CYLD: variants seen among roughly 807,000 people sequenced by gnomAD.
CYLD encodes CYLD lysine 63 deubiquitinase, also known as ubiquitin carboxyl-terminal hydrolase CYLD.
Under a neutral mutation model 104.5 loss-of-function variants are expected in CYLD, and 26 were observed. The observed-to-expected ratio is 0.25, with a 90% CI of 0.18 to 0.35. CYLD has a LOEUF of 0.35. Among genes scored for constraint, CYLD ranks in the 10% least tolerant of loss-of-function variants. CYLD has a pLI of 1.00. For synonymous variants in CYLD, 385 were observed against 399.9 expected (o/e 0.96, Z 0.45); for missense variants, 703 against 1,136.1 (o/e 0.62, Z 5.48).
chr16:50,755,381 T>C (rs1337239760), intron 5 of CYLD, among the ~76,000 whole-genome samples: 1 of 152,126 alleles, frequency 6.6e-6, no homozygotes, highest in Non-Finnish European at 1.5e-5. Flanking sequence ...CTTTTTTTCC[T>C]TGGGTAGACT....
chr16:50,768,637 A>G (rs760029937), intron 5 of CYLD, among the ~76,000 whole-genome samples: 6 of 152,210 alleles, frequency 3.9e-5, no homozygotes, highest in Non-Finnish European at 5.9e-5. Flanking sequence ...AACACTGCTA[A>G]CATATCTAAT....
chr16:50,761,561 C>T (rs899489440), intron 5 of CYLD, among the ~76,000 whole-genome samples: 1 of 152,146 alleles, frequency 6.6e-6, no homozygotes, highest in Non-Finnish European at 1.5e-5. Flanking sequence ...TCCTTTGGAG[C>T]TGGTGCATTT....
chr16:50,748,316 GT>G (rs1467992955), intron 2 of CYLD, among the ~76,000 whole-genome samples: 2 of 152,238 alleles, frequency 1.3e-5, no homozygotes, highest in South Asian at 2.1e-4. Context: ...AAATTGTGTA[GT>G]TTTTTAACCA....
chr16:50,797,800 C>A lies in CYLD; in HGVS notation c.*1292C>A, dbSNP rs1387786423. 4 of 232,558 alleles carry A rather than the reference C, an allele frequency of 1.7e-5. No homozygotes were observed. Among genetic ancestry groups the A allele is most frequent in the Non-Finnish European group, 3.4e-5 (4 of 117,726 alleles). The allele number at this position is 232,558 out of a possible 1,614,324, so 14.4% of individuals were successfully genotyped here. A position where few individuals can be genotyped will look rare whatever the true frequency, so the allele number is the denominator to read the frequency against. The stretch of plus-strand genomic sequence containing the variant: ...TAATGTGACAAAAAGTGGAAAGAAT[C>A]TTTACAAACCCTGCAATTACTTTTT... On this transcript the variant is annotated 3_prime_UTR_variant, in exon 19 of 19. Transcript: ENST00000427738.
intron 17 of CYLD, among the ~76,000 whole-genome samples, chr16:50,793,873 T>C (rs1430376259): frequency 6.6e-6 from 1 of 151,766 alleles, no homozygotes; most frequent in Non-Finnish European, 1.5e-5. Context: ...TTAGTAAGAG[T>C]AAGGAAGCCC....
At chr16:50,773,641 G>A (rs1424399666) in intron 5 of CYLD, among the ~76,000 whole-genome samples, 1 of 152,088 alleles carries the variant, frequency 6.6e-6, no homozygotes, top group Non-Finnish European at 1.5e-5. Flanking sequence ...AAAATTGCCA[G>A]CTGAATTTAT....
chr16:50,801,305 A>G lies in CYLD; in HGVS notation c.*4797A>G. 4.3e-6 allele frequency: 1 copy of G among 233,480 alleles called. No individual in the cohort carries two copies. Among genetic ancestry groups the G allele is most frequent in the Non-Finnish European group, 8.5e-6 (1 of 118,062 alleles). The allele number at this position is 233,480 out of a possible 1,614,324, so 14.5% of individuals were successfully genotyped here. ...AGCAGTCTCTGTAGCCAGGTTACTC[A>G]AGAACCACATTTGATTTCCTGGCCC... On this transcript the variant is annotated 3_prime_UTR_variant, in exon 19 of 19. Transcript: ENST00000427738.
chr16:50,789,608 T>A (rs1236460326), intron 14 of CYLD, among the ~76,000 whole-genome samples: 1 of 152,122 alleles, frequency 6.6e-6, no homozygotes, highest in Non-Finnish European at 1.5e-5. Context: ...ATATTGAGAA[T>A]CACTTTTTAA....
rs776967114 is a variant in CYLD at position 50,779,796 on chromosome 16, A to G, written c.1270A>G (p.Thr424Ala). 6.2e-7 allele frequency: 1 copy of G among 1,613,338 alleles called. No homozygotes were observed. The highest frequency in any genetic ancestry group is 2.2e-5 in the East Asian group (1 of 44,842). The change falls in exon 9 of 19, where the codon ACC becomes GCC. Residue 424 changes from threonine (T) to alanine (A), a missense_variant. By Grantham distance (58) the Thr-to-Ala change is moderately conservative (BLOSUM62 0). Transcript: ENST00000427738. Reference protein sequence around the residue: ...NRFHSLPFSLTKMPNTNGSIG... With the variant: ...NRFHSLPFSLAKMPNTNGSIG... ...ATTCCACTCTTTACCATTCAGTCTC[A>G]CCAAGATGCCCAATACCAATGGAAG... is the stretch of plus-strand genomic sequence containing the variant.
intron 18 of CYLD, 21 bp from the exon 19 acceptor site, chr16:50,796,303 A>C (rs1466256735): frequency 1.2e-6 from 2 of 1,613,262 alleles, no homozygotes; most frequent in Non-Finnish European, 1.7e-6. Flanking sequence ...CCCTATAAAG[A>C]GTTCTTCCTC....
At position 50,798,224 on chromosome 16, in the gene CYLD, A is replaced by T. The variant is rs1440954788; in HGVS notation, c.*1716A>T. 1 of 232,096 alleles carries T rather than the reference A, an allele frequency of 4.3e-6. No homozygotes were observed. Among genetic ancestry groups the T allele is most frequent in the Non-Finnish European group, 8.5e-6 (1 of 117,328 alleles). The allele number at this position is 232,096 out of a possible 1,614,324, so 14.4% of individuals were successfully genotyped here. ...TTTAAAAAATTGACTACCTGGAGGA[A>T]TGATTAGGAATCTAAATGAAGCCAG... On this transcript the variant is annotated 3_prime_UTR_variant, in exon 19 of 19. Coordinates refer to ENST00000427738, the MANE Select transcript of CYLD (RefSeq NM_001378743.1).
chr16:50,778,885 A>G (rs953490214), intron 8 of CYLD, among the ~76,000 whole-genome samples: 10 of 152,226 alleles, frequency 6.6e-5, no homozygotes, highest in African/African-American at 2.4e-4. Context: ...TTATCTCAAC[A>G]GCATTTAGTA....
rs1271818031 is a variant in CYLD at position 50,798,899 on chromosome 16, T to G, written c.*2391T>G. On this transcript the variant is annotated 3_prime_UTR_variant, in exon 19 of 19. Coordinates refer to ENST00000427738, the MANE Select transcript of CYLD (RefSeq NM_001378743.1). ...TAAGGGATGCCAGGGCCAGCTCTGG[T>G]GGTTCCTGGGGAGGCTGCGTCCTTC... The G allele has an allele frequency of 8.6e-6, 2 of 233,260 alleles. No homozygotes were observed. Among genetic ancestry groups the G allele is most frequent in the East Asian group, 1.2e-4 (2 of 16,730 alleles). 14.4% of individuals were successfully genotyped at this position (233,260 alleles called of 1,614,324 possible).
In CYLD at chr16:50,794,139, G is replaced by T; in HGVS notation, c.2470-73G>T. Reference sequence around the variant, plus strand: ...GACAGGGTTTCACCATCTTGATCAGGCTGGTCTTGAACTCCTGACCTCGTG... The same window carrying T: ...GACAGGGTTTCACCATCTTGATCAGTCTGGTCTTGAACTCCTGACCTCGTG... On this transcript the variant is annotated intron_variant, in intron 17 of 18. Transcript: ENST00000427738. The surrounding 1 kb of genome is among the most constrained non-coding windows in gnomAD (Gnocchi z 4.1). The T allele has an allele frequency of 7.4e-7, 1 of 1,342,752 alleles. No homozygotes were observed. The highest frequency in any genetic ancestry group is 1.2e-5 in the South Asian group (1 of 85,072). 83.2% of individuals were successfully genotyped at this position (1,342,752 alleles called of 1,614,324 possible).
intron 15 of CYLD, among the ~76,000 whole-genome samples, chr16:50,791,973 C>A (rs558472576): frequency 4.6e-5 from 7 of 152,124 alleles, no homozygotes; most frequent in Non-Finnish European, 1.0e-4. Context: ...AGGAGACTTA[C>A]GTTTTTTAAA....
At chr16:50,764,652 T>G (rs374715713) in intron 5 of CYLD, among the ~76,000 whole-genome samples, 5 of 152,240 alleles carry the variant, frequency 3.3e-5, no homozygotes, top group Admixed American at 6.5e-5. Context: ...CTATTTTTAC[T>G]GTGTAACTAG....
intron 5 of CYLD, among the ~76,000 whole-genome samples, chr16:50,764,027 A>G (rs77392242): frequency 3.3e-5 from 5 of 152,096 alleles, no homozygotes; most frequent in Non-Finnish European, 7.4e-5. Flanking sequence ...TAATTTTCTT[A>G]TATTGAATCA....
intron 2 of CYLD, among the ~76,000 whole-genome samples, chr16:50,747,464 A>T (rs1966286686): frequency 6.6e-6 from 1 of 152,246 alleles, no homozygotes; most frequent in Admixed American, 6.5e-5. Context: ...AGCCTTGCAG[A>T]TCAAGAGTTA....
rs1000877802 is a variant in CYLD, at chr16:50,799,953, C to T, written c.*3445C>T. The T allele has an allele frequency of 3.0e-5, 7 of 232,956 alleles. No individual in the cohort carries two copies. The highest frequency in any genetic ancestry group is 1.5e-4 in the African/African-American group (7 of 45,294). 14.4% of individuals were successfully genotyped at this position (232,956 alleles called of 1,614,324 possible). A position where few individuals can be genotyped will look rare whatever the true frequency, so the allele number is the denominator to read the frequency against. Reference sequence around the variant, plus strand: ...AATATGAAATGTGTCCCTGCCCTACCTAGTTTTAACGACAGAATATCTATT... The same window carrying T: ...AATATGAAATGTGTCCCTGCCCTACTTAGTTTTAACGACAGAATATCTATT... On this transcript the variant is annotated 3_prime_UTR_variant, in exon 19 of 19. Coordinates refer to ENST00000427738, the MANE Select transcript of CYLD (RefSeq NM_001378743.1).
Sources: gnomAD v4.1 joint callset for allele counts (sites outside exome capture counted in the v4.1 genomes callset) on GRCh38, gnomAD v4.1.1 for gene constraint, Gnocchi (gnomAD v3.1) non-coding constraint, MANE v1.5 for transcripts, NCBI Gene and HGNC (gene_info 2026-07-23, HGNC 2026-07-21) for gene names.